Variants in DEPDC5 observed in about 807,000 individuals in gnomAD.
DEPDC5 encodes DEP domain containing 5, GATOR1 subcomplex subunit.
A neutral mutation model predicts 217.3 loss-of-function variants in DEPDC5; 73 were observed. That is an observed-to-expected ratio of 0.34 (90% CI 0.28 to 0.41). DEPDC5 has a LOEUF of 0.41. Ranked by LOEUF, DEPDC5 falls within the 10% of genes least tolerant of loss-of-function variation. DEPDC5 has a pLI of 1.00. For synonymous variants in DEPDC5, 733 were observed against 756.7 expected (o/e 0.97, Z 0.51); for missense variants, 1,675 against 2,070.1 (o/e 0.81, Z 3.70).
intron 40 of DEPDC5, among the ~76,000 whole-genome samples, chr22:31,900,737 C>T (rs2093633389): frequency 6.6e-6 from 1 of 150,386 alleles, no homozygotes; most frequent in Non-Finnish European, 1.5e-5. Flanking sequence ...AAAACTTCCT[C>T]TCAAAAAGAA....
intron 31 of DEPDC5, among the ~76,000 whole-genome samples, chr22:31,849,186 C>T (rs930108566): frequency 6.6e-6 from 1 of 152,174 alleles, no homozygotes; most frequent in Non-Finnish European, 1.5e-5. Context: ...CCAGACTGTT[C>T]CAACCTTTGC....
At position 31,839,404 on chromosome 22, in the gene DEPDC5, T is replaced by G. The variant is rs16989539; in HGVS notation, c.2515+559T>G. On this transcript the variant is annotated intron_variant, in intron 27 of 42. Transcript: ENST00000651528. ...CAGGCAATGGAGAGCTCCTCTAAAA[T>G]AAGTCTAACAGAGGGAATTAAGTGC... Among the ~76,000 whole-genome samples, 14 of 152,226 alleles carry G rather than the reference T, an allele frequency of 9.2e-5. No individual in the cohort carries two copies. The East Asian group carries it at 2.5e-3, about 27-fold the overall frequency.
intron 24 of DEPDC5, among the ~76,000 whole-genome samples, chr22:31,833,403 G>A (rs976899905): frequency 6.6e-6 from 1 of 152,196 alleles, no homozygotes; most frequent in East Asian, 1.9e-4. Flanking sequence ...ATTGTAGAAA[G>A]CCATGATTTG....
intron 24 of DEPDC5, among the ~76,000 whole-genome samples, chr22:31,833,172 A>G (rs1348399516): frequency 1.3e-5 from 2 of 152,248 alleles, no homozygotes; most frequent in African/African-American, 4.8e-5. Flanking sequence ...GTGAGCTACC[A>G]TGCTCAACCT....
At chr22:31,796,341 G>T (rs1458037192) in intron 12 of DEPDC5, among the ~76,000 whole-genome samples, 1 of 151,946 alleles carries the variant, frequency 6.6e-6, no homozygotes, top group Non-Finnish European at 1.5e-5. Flanking sequence ...CTGACCTCAT[G>T]ATCTGCCTGC....
At chr22:31,899,893 C>T (rs2093618773) in intron 40 of DEPDC5, among the ~76,000 whole-genome samples, 1 of 152,158 alleles carries the variant, frequency 6.6e-6, no homozygotes, top group Non-Finnish European at 1.5e-5. Context: ...CAGCCCTCCA[C>T]AGCCCTCCAC....
chr22:31,831,724 G>A (rs1007344106), intron 24 of DEPDC5, among the ~76,000 whole-genome samples: 38 of 152,156 alleles, frequency 2.5e-4, no homozygotes, highest in Non-Finnish European at 5.0e-4. Flanking sequence ...GCCTCCCAAA[G>A]GGTTGAGATT....
intron 27 of DEPDC5, among the ~76,000 whole-genome samples, chr22:31,839,690 G>A (rs2091273857): frequency 6.6e-6 from 1 of 150,964 alleles, no homozygotes; most frequent in South Asian, 2.1e-4. Flanking sequence ...TTCTTTGAAA[G>A]CCCCTTGTGA....
chr22:31,802,645 G>T, intron 14 of DEPDC5, 59 bp from the exon 15 acceptor site: 3 of 1,453,846 alleles, frequency 2.1e-6, no homozygotes, highest in Non-Finnish European at 2.7e-6. Context: ...ATGCTTGTCT[G>T]TGACAGGGTT....
intron 20 of DEPDC5, among the ~76,000 whole-genome samples, chr22:31,811,889 A>G (rs1229255520): frequency 2.0e-5 from 3 of 152,124 alleles, no homozygotes; most frequent in Non-Finnish European, 4.4e-5. Flanking sequence ...CTACTCATCT[A>G]TTCATTTGTG....
chr22:31,809,438 C>G (rs902462542), intron 18 of DEPDC5, among the ~76,000 whole-genome samples, 173 bp from the exon 19 acceptor site: 1 of 152,150 alleles, frequency 6.6e-6, no homozygotes, highest in African/African-American at 2.4e-5. Context: ...TGAGAGGCAA[C>G]AAGATGTGAT....
chr22:31,874,717 G>T (rs191171588), intron 36 of DEPDC5, among the ~76,000 whole-genome samples: 72 of 152,118 alleles, frequency 4.7e-4, no homozygotes, highest in Non-Finnish European at 3.2e-4. Flanking sequence ...ACCTCAAGCC[G>T]CCAGTTTCCC....
In DEPDC5 at chr22:31,856,737, ATCT is replaced by A. The variant is rs1361104178; in HGVS notation, c.3156-704_3156-702del. On this transcript the variant is annotated intron_variant, in intron 31 of 42. Transcript: ENST00000651528. ...TTCAAAATGTATAGAGAATTAACAC[ATCT>A]TCTCCTGTTTTATGCTGCATGTTAA... 6.6e-5 allele frequency among the ~76,000 whole-genome samples: 10 copies of A among 152,266 alleles called. No homozygotes were observed. The East Asian group carries it at 7.7e-4, about 12-fold the overall frequency.
chr22:31,761,410 A>T (rs200842555), intron 4 of DEPDC5, among the ~76,000 whole-genome samples: 1 of 151,974 alleles, frequency 6.6e-6, no homozygotes, highest in Non-Finnish European at 1.5e-5. Context: ...GAGTTAGTTC[A>T]CTTAGGATAA....
chr22:31,791,861 A>T (rs995692695), intron 10 of DEPDC5, among the ~76,000 whole-genome samples, 172 bp from the exon 11 acceptor site: 4 of 124,304 alleles, frequency 3.2e-5, no homozygotes, highest in African/African-American at 1.2e-4. Context: ...CAGGAGGCGG[A>T]GGTTGCAGTG....
At position 31,902,411 on chromosome 22, in the gene DEPDC5, TA is replaced by T. The variant is rs1569244173; in HGVS notation, c.4436+610del. On this transcript the variant is annotated intron_variant, in intron 41 of 42. Coordinates refer to ENST00000651528, the MANE Select transcript of DEPDC5 (RefSeq NM_001242896.3). ...CCAGTATCCTGTCATCTCCTTATTA[TA>T]TATATATATATATATATATATATAC... Among the ~76,000 whole-genome samples the T allele has an allele frequency of 4.4e-4, 50 of 113,156 alleles. 1 individual carries two copies. The highest frequency in any genetic ancestry group is 1.5e-3 in the African/African-American group (45 of 29,748). The allele number at this position is 113,156 out of a possible 152,430, so 74.2% of individuals were successfully genotyped here.
chr22:31,774,478 C>T (rs1173651219), intron 7 of DEPDC5, among the ~76,000 whole-genome samples: 1 of 151,694 alleles, frequency 6.6e-6, no homozygotes, highest in Non-Finnish European at 1.5e-5. Context: ...GGATTACAGG[C>T]GTGAGCCACC....
chr22:31,807,220 A>G (rs553407204), intron 18 of DEPDC5, among the ~76,000 whole-genome samples: 25 of 152,328 alleles, frequency 1.6e-4, no homozygotes, highest in Non-Finnish European at 3.2e-4. Context: ...TGTTTATGCT[A>G]TTTGAACCAG....
chr22:31,837,032 G>A lies in DEPDC5; in HGVS notation c.2231G>A (p.Trp744Ter). 2 of 1,614,122 alleles carry A rather than the reference G, an allele frequency of 1.2e-6. No individual in the cohort carries two copies. Among genetic ancestry groups the A allele is most frequent in the Non-Finnish European group, 1.7e-6 (2 of 1,180,030 alleles). Residue 744 changes from tryptophan to a stop codon, truncating the protein, a stop_gained, in exon 26 of 43, where the codon TGG becomes TAG. Transcript: ENST00000651528. LOFTEE classifies it high-confidence loss of function. ...TTCTGTTGCACAGTTGGAGTGGACT[G>A]GAAGTCTCTCACTACTCCGGCGTGC... ...PGFCCTVGVD[W>*]KSLTTPACLP...
Sources: gnomAD v4.1 joint callset for allele counts (sites outside exome capture counted in the v4.1 genomes callset) on GRCh38, gnomAD v4.1.1 for gene constraint, MANE v1.5 for transcripts, NCBI Gene and HGNC (gene_info 2026-07-23, HGNC 2026-07-21) for gene names.